The following B3GALT1 variants were observed in gnomAD, a reference collection of about 807,000 sequenced individuals.
B3GALT1 encodes the protein beta-1,3-galactosyltransferase 1.
In B3GALT1, 10 loss-of-function variants were observed where a neutral mutation model predicts 23.2. That is an observed-to-expected ratio of 0.43 (90% CI 0.27 to 0.73). B3GALT1 has a LOEUF of 0.73. B3GALT1 is among the 30% of genes least tolerant of loss of function. The probability of loss-of-function intolerance (pLI) is 0.21; values close to 1 mark genes in which losing one functional copy is unlikely to be tolerated. For missense variants in B3GALT1, 299 were observed against 405.4 expected, an observed-to-expected ratio of 0.74 and a Z score of 2.25; for synonymous variants, 156 against 141.5, an observed-to-expected ratio of 1.10 and a Z score of -0.73.
At chr2:167,728,087 C>T (rs1031332662) in intron 3 of B3GALT1, among the ~76,000 whole-genome samples, 7 of 152,092 alleles carry the variant, frequency 4.6e-5, no homozygotes, top group African/African-American at 1.4e-4. Flanking sequence ...CAATATTTTT[C>T]GTGTCAAAGC....
intron 2 of B3GALT1, among the ~76,000 whole-genome samples, chr2:167,514,030 C>CT (rs1382590402): frequency 6.6e-6 from 1 of 152,116 alleles, no homozygotes; most frequent in Non-Finnish European, 1.5e-5. Flanking sequence ...CCTCAGCCTC[C>CT]TGAGTAGCTG....
chr2:167,860,713 GT>G (rs1049199072), intron 4 of B3GALT1, among the ~76,000 whole-genome samples: 6 of 152,140 alleles, frequency 3.9e-5, no homozygotes, highest in African/African-American at 1.4e-4. Context: ...GGAACTGCTG[GT>G]TTGGGAAATG....
intron 1 of B3GALT1, among the ~76,000 whole-genome samples, chr2:167,374,431 A>C (rs1298674815): frequency 6.6e-6 from 1 of 152,160 alleles, no homozygotes; most frequent in Non-Finnish European, 1.5e-5. Context: ...TTTTTGATAA[A>C]TCTTCAAACT....
chr2:167,677,550 A>G (rs1477710132), intron 3 of B3GALT1, among the ~76,000 whole-genome samples: 2 of 152,126 alleles, frequency 1.3e-5, no homozygotes, highest in Non-Finnish European at 2.9e-5. Flanking sequence ...ATGGCCCTAT[A>G]AGGCCCCCAG....
chr2:167,773,201 G>T (rs1688100344), intron 3 of B3GALT1, among the ~76,000 whole-genome samples: 1 of 152,060 alleles, frequency 6.6e-6, no homozygotes. Flanking sequence ...CATTTAGAAT[G>T]AATTTTAGAA....
At chr2:167,357,436 G>A (rs1480166553) in intron 1 of B3GALT1, among the ~76,000 whole-genome samples, 3 of 151,784 alleles carry the variant, frequency 2.0e-5, no homozygotes, top group Admixed American at 6.6e-5. Context: ...CAAAAATGCC[G>A]ACATATAATT....
intron 3 of B3GALT1, chr2:167,714,268 T>C: frequency 6.7e-7 from 1 of 1,499,896 alleles, no homozygotes; most frequent in South Asian, 1.1e-5. Flanking sequence ...TACGGTCCTG[T>C]TCCCATGGAG....
intron 3 of B3GALT1, among the ~76,000 whole-genome samples, chr2:167,751,685 G>A (rs1687741384): frequency 6.6e-6 from 1 of 152,116 alleles, no homozygotes; most frequent in Admixed American, 6.5e-5. Flanking sequence ...GTGAGGGAGT[G>A]GTGGGTGAGA....
At chr2:167,522,639 C>G (rs1018161879) in intron 2 of B3GALT1, among the ~76,000 whole-genome samples, 33 of 152,212 alleles carry the variant, frequency 2.2e-4, no homozygotes, top group South Asian at 4.1e-4. Context: ...TGCTAATTAG[C>G]AACTTTTAGA....
chr2:167,313,720 G>A (rs1175591614), intron 1 of B3GALT1, among the ~76,000 whole-genome samples: 2 of 152,112 alleles, frequency 1.3e-5, no homozygotes, highest in African/African-American at 2.4e-5. Flanking sequence ...TCCTATTTCT[G>A]TTAATGAGTT....
At chr2:167,766,699 C>A (rs2105304034) in intron 3 of B3GALT1, among the ~76,000 whole-genome samples, 1 of 152,206 alleles carries the variant, frequency 6.6e-6, no homozygotes, top group Middle Eastern at 3.4e-3. Flanking sequence ...CACAAAATTG[C>A]CCTTGTTTGA....
chr2:167,410,243 C>T lies in B3GALT1; in HGVS notation c.-510-79934C>T, dbSNP rs113649926. On this transcript the variant is annotated intron_variant, in intron 1 of 4. Transcript: ENST00000392690. ...TTGTGGCCGGGTGCGGTGGCTCACA[C>T]GTGTAATCCCAGCACTTTGGGAGGC... is the stretch of plus-strand genomic sequence containing the variant. Among the ~76,000 whole-genome samples the T allele has an allele frequency of 9.3e-3, 1,411 of 152,180 alleles. 32 individuals are homozygous for T. Among genetic ancestry groups the T allele is most frequent in the African/African-American group, 0.032 (1,346 of 41,518 alleles).
intron 3 of B3GALT1, among the ~76,000 whole-genome samples, chr2:167,733,159 G>A (rs1389118969): frequency 6.6e-6 from 1 of 152,098 alleles, no homozygotes; most frequent in Non-Finnish European, 1.5e-5. Context: ...CTAGCAGGAT[G>A]TCTAGAGGCA....
intron 2 of B3GALT1, among the ~76,000 whole-genome samples, chr2:167,501,863 C>T (rs1699853309): frequency 6.6e-6 from 1 of 151,882 alleles, no homozygotes; most frequent in South Asian, 2.1e-4. Flanking sequence ...GAGTTTGAGA[C>T]AAGTACATGA....
intron 3 of B3GALT1, among the ~76,000 whole-genome samples, chr2:167,734,488 G>A (rs1687461370): frequency 6.6e-6 from 1 of 152,152 alleles, no homozygotes; most frequent in Non-Finnish European, 1.5e-5. Flanking sequence ...TACTCAGAGA[G>A]CCAAAAATGA....
intron 2 of B3GALT1, among the ~76,000 whole-genome samples, chr2:167,623,907 A>T (rs970950626): frequency 6.6e-6 from 1 of 152,062 alleles, no homozygotes; most frequent in Non-Finnish European, 1.5e-5. Context: ...ATAAAAATGC[A>T]GACAAGTAAC....
chr2:167,412,228 C>T (rs758462452), intron 1 of B3GALT1, among the ~76,000 whole-genome samples: 16 of 151,994 alleles, frequency 1.1e-4, no homozygotes, highest in Non-Finnish European at 1.9e-4. Flanking sequence ...AGTCATTAAA[C>T]GTGAAGAAAA....
At chr2:167,752,241 G>A (rs1199916972) in intron 3 of B3GALT1, among the ~76,000 whole-genome samples, 1 of 152,050 alleles carries the variant, frequency 6.6e-6, no homozygotes, top group African/African-American at 2.4e-5. Context: ...ATGAGTTAGA[G>A]TGATGTAGAC....
At chr2:167,755,299 G>T (rs1687798438) in intron 3 of B3GALT1, among the ~76,000 whole-genome samples, 1 of 151,866 alleles carries the variant, frequency 6.6e-6, no homozygotes. Flanking sequence ...AGGAGAGAAA[G>T]AACTTTTTCT....
Sources: gnomAD v4.1 joint callset for allele counts (sites outside exome capture counted in the v4.1 genomes callset) on GRCh38, gnomAD v4.1.1 for gene constraint, MANE v1.5 for transcripts, NCBI Gene and HGNC (gene_info 2026-07-23, HGNC 2026-07-21) for gene names.